The following ZEB1 variants were observed in gnomAD, a reference collection of about 807,000 sequenced individuals.
The protein encoded by ZEB1 is zinc finger E-box-binding homeobox 1.
Under a neutral mutation model 84.9 loss-of-function variants are expected in ZEB1, and 21 were observed. The observed-to-expected ratio is 0.25, with a 90% CI of 0.18 to 0.36. ZEB1 has a LOEUF of 0.36. Ranked by LOEUF, ZEB1 falls within the 10% of genes least tolerant of loss-of-function variation. ZEB1 has a pLI of 1.00. For missense variants in ZEB1, 1,104 were observed against 1,330.2 expected, an observed-to-expected ratio of 0.83 and a Z score of 2.65; for synonymous variants, 420 against 471.1, an observed-to-expected ratio of 0.89 and a Z score of 1.41.
chr10:31,422,986 G>A (rs1016421148), intron 1 of ZEB1, among the ~76,000 whole-genome samples: 11 of 151,998 alleles, frequency 7.2e-5, no homozygotes, highest in Admixed American at 1.3e-4. Context: ...CCATGCTGCC[G>A]CAAAGGACAT....
At chr10:31,477,395 A>G (rs2064369414) in intron 2 of ZEB1, among the ~76,000 whole-genome samples, 1 of 152,020 alleles carries the variant, frequency 6.6e-6, no homozygotes, top group African/African-American at 2.4e-5. Context: ...TCTCGTGCTC[A>G]TGGATTGGAA....
intron 1 of ZEB1, among the ~76,000 whole-genome samples, chr10:31,419,236 G>A (rs1408297482): frequency 6.6e-6 from 1 of 151,464 alleles, no homozygotes; most frequent in Non-Finnish European, 1.5e-5. Context: ...TGAGCTGGTG[G>A]TAGACAGTGG....
intron 2 of ZEB1, among the ~76,000 whole-genome samples, chr10:31,461,806 A>G (rs569806646): frequency 6.6e-6 from 1 of 152,278 alleles, no homozygotes; most frequent in East Asian, 1.9e-4. Flanking sequence ...TGAAAGTTTA[A>G]TCTTCTTCCT....
chr10:31,447,659 C>A (rs1259514875), intron 1 of ZEB1, among the ~76,000 whole-genome samples: 2 of 148,022 alleles, frequency 1.4e-5, no homozygotes, highest in Admixed American at 6.8e-5. Context: ...GATTTTATTT[C>A]TCCTTCACTT....
At chr10:31,368,515 A>G (rs2045030000) in intron 1 of ZEB1, among the ~76,000 whole-genome samples, 1 of 148,732 alleles carries the variant, frequency 6.7e-6, no homozygotes, top group African/African-American at 2.5e-5. Flanking sequence ...TACAATACAA[A>G]TGCTGTGTAA....
At chr10:31,436,141 G>A (rs1309426513) in intron 1 of ZEB1, among the ~76,000 whole-genome samples, 1 of 152,188 alleles carries the variant, frequency 6.6e-6, no homozygotes, top group Non-Finnish European at 1.5e-5. Context: ...TATTCGCCAT[G>A]TATGGGAGTT....
At chr10:31,422,781 C>T (rs2056379089) in intron 1 of ZEB1, among the ~76,000 whole-genome samples, 1 of 152,066 alleles carries the variant, frequency 6.6e-6, no homozygotes, top group Non-Finnish European at 1.5e-5. Context: ...AAATACTGAG[C>T]ATAGTGCCCA....
At chr10:31,323,964 CGTGT>C (rs3057772) in intron 1 of ZEB1, among the ~76,000 whole-genome samples, 10,811 of 146,098 alleles carry the variant, frequency 0.074, 491 homozygotes, top group East Asian at 0.18. Context: ...CATGGTTCTT[CGTGT>C]GTGTGTGTGT....
intron 1 of ZEB1, among the ~76,000 whole-genome samples, chr10:31,372,287 C>T (rs1329548198): frequency 1.3e-5 from 2 of 151,914 alleles, no homozygotes; most frequent in South Asian, 2.1e-4. Context: ...TATAGCTGAG[C>T]ACAAAGTATG....
chr10:31,469,374 GC>G (rs2062869596), intron 2 of ZEB1, among the ~76,000 whole-genome samples: 1 of 152,222 alleles, frequency 6.6e-6, no homozygotes, highest in African/African-American at 2.4e-5. Flanking sequence ...GTGAGCCGAA[GC>G]AGGGTGAGGC....
At position 31,495,794 on chromosome 10, in the gene ZEB1, A is replaced by G. The variant is rs887907985; in HGVS notation, c.278A>G (p.Glu93Gly). The G allele has an allele frequency of 6.2e-7, 1 of 1,612,934 alleles. No homozygotes were observed. The highest frequency in any genetic ancestry group is 8.5e-7 in the Non-Finnish European group (1 of 1,179,210). Reference protein sequence around the residue: ...WEDDTGKEGQEILGPEAQADE... With the variant: ...WEDDTGKEGQGILGPEAQADE... ...ATTTCAGCAGGAAAGGAAGGGCAAG[A>G]AATCCTGGGGCCTGAAGCTCAGGCA... is the stretch of plus-strand genomic sequence containing the variant. The change falls in exon 3 of 9, where the codon GAA becomes GGA. Residue 93 changes from glutamate (E) to glycine (G), a missense_variant. By Grantham distance (98) the Glu-to-Gly change is moderately conservative. Transcript: ENST00000424869.
intron 2 of ZEB1, among the ~76,000 whole-genome samples, chr10:31,470,147 G>C (rs1478304591): frequency 1.3e-5 from 2 of 152,326 alleles, no homozygotes; most frequent in East Asian, 3.9e-4. Flanking sequence ...ACTCTAAAAA[G>C]CAGAGCGCCT....
At position 31,521,691 on chromosome 10, in the gene ZEB1, T is replaced by A; in HGVS notation, c.2359T>A (p.Ser787Thr). Residue 787 changes from serine to threonine, a missense_variant, in exon 7 of 9, where the codon TCA becomes ACA. Physicochemically the swap from Ser to Thr is moderately conservative, Grantham distance 58. Coordinates refer to ENST00000424869, the MANE Select transcript of ZEB1 (RefSeq NM_001174096.2). ...EPQKDSCVTD[S>T]EPVVNVIPPS... ...ACAAAAGGACAGTTGTGTTACAGAC[T>A]CAGAACCAGTTGTAAATGTAATCCC... is the stretch of plus-strand genomic sequence containing the variant. 6.2e-7 allele frequency: 1 copy of A among 1,614,132 alleles called. No homozygotes were observed. Among genetic ancestry groups the A allele is most frequent in the South Asian group, 1.1e-5 (1 of 91,088 alleles).
intron 1 of ZEB1, among the ~76,000 whole-genome samples, chr10:31,389,857 C>G (rs1168652871): frequency 6.6e-6 from 1 of 151,974 alleles, no homozygotes; most frequent in Non-Finnish European, 1.5e-5. Context: ...CATTCAAAAT[C>G]TGTGTATTTT....
intron 1 of ZEB1, among the ~76,000 whole-genome samples, chr10:31,382,807 T>C (rs528462196): frequency 6.6e-6 from 1 of 152,204 alleles, no homozygotes; most frequent in African/African-American, 2.4e-5. Flanking sequence ...TTATATATTG[T>C]TGTAAATATG....
intron 1 of ZEB1, among the ~76,000 whole-genome samples, chr10:31,404,859 T>C (rs970363984): frequency 1.3e-5 from 2 of 152,130 alleles, no homozygotes; most frequent in African/African-American, 2.4e-5. Context: ...GACAGGAGAC[T>C]GGACTGGGTG....
intron 3 of ZEB1, among the ~76,000 whole-genome samples, chr10:31,496,382 T>G (rs1278893955): frequency 6.6e-6 from 1 of 152,064 alleles, no homozygotes; most frequent in Admixed American, 6.6e-5. Flanking sequence ...GAAGTTGAAT[T>G]ATAATAAACA....
chr10:31,337,683 GTTTTTT>G (rs756379165), intron 1 of ZEB1, among the ~76,000 whole-genome samples: 1 of 98,842 alleles, frequency 1.0e-5, no homozygotes, highest in Non-Finnish European at 2.0e-5. Flanking sequence ...ATTTCTTTCT[GTTTTTT>G]TTTTTTTTTT....
At chr10:31,370,332 C>T (rs1393977901) in intron 1 of ZEB1, among the ~76,000 whole-genome samples, 2 of 152,018 alleles carry the variant, frequency 1.3e-5, no homozygotes, top group East Asian at 3.9e-4. Flanking sequence ...ATGTGATGGC[C>T]GGGCGCAGTG....
Sources: allele counts gnomAD v4.1 joint callset (sites outside exome capture counted in the v4.1 genomes callset), GRCh38; gene constraint gnomAD v4.1.1; transcripts MANE v1.5; gene names NCBI Gene and HGNC (gene_info 2026-07-23, HGNC 2026-07-21).